The following SATL1 variants were observed in gnomAD, a reference collection of about 807,000 sequenced individuals.
SATL1 encodes spermidine/spermine N1-acetyl transferase like 1.
In SATL1, 47 loss-of-function variants were observed where a neutral mutation model predicts 51.8. The observed-to-expected ratio is 0.91, with a 90% CI of 0.72 to 1.16. The LOEUF is 1.16. SATL1 is among the 50% of genes most tolerant of loss of function. SATL1 has a pLI of 0.00. For synonymous variants in SATL1, 176 were observed against 182.4 expected (o/e 0.97, Z 0.28); for missense variants, 520 against 526.4 (o/e 0.99, Z 0.12).
At position 85,107,480 on chromosome X, in the gene SATL1, T is replaced by G. The variant is rs1442115170; in HGVS notation, c.1489A>C (p.Asn497His). The change falls in exon 3 of 8, where the codon AAC becomes CAC. Residue 497 changes from asparagine (N) to histidine (H), a missense_variant. By Grantham distance (68) the Asn-to-His change is moderately conservative. This residue lies in a region of SATL1 where 488 missense variants were observed against 474.3 expected (regional missense o/e 1.03). Transcript: ENST00000644105. ...CCTGGTTGGCTCAGCACTAATTGGT[T>G]CAGGTCTTGTTGGCTCAGGCCTGGC... is the stretch of plus-strand genomic sequence containing the variant. ...SQPGLSQQDL[N>H]QLVLSQPGLS... The G allele has an allele frequency of 8.2e-7, 1 of 1,212,288 alleles. No individual in the cohort carries two copies. Among genetic ancestry groups the G allele is most frequent in the Non-Finnish European group, 1.1e-6 (1 of 895,609 alleles).
chrX:85,188,595 G>C (rs1261463322), intron 2 of SATL1, among the ~76,000 whole-genome samples: 1 of 110,882 alleles, frequency 9.0e-6, no homozygotes, highest in Non-Finnish European at 1.9e-5. Context: ...ATAGTGAGCT[G>C]TGATTGCACC....
chrX:85,095,941 C>T (rs1924708728), intron 4 of SATL1, among the ~76,000 whole-genome samples: 1 of 105,983 alleles, frequency 9.4e-6, no homozygotes. Context: ...TTAAAACAAA[C>T]TCCCATCAAA....
chrX:85,112,702 G>A (rs1478863277), intron 2 of SATL1, among the ~76,000 whole-genome samples: 1 of 111,710 alleles, frequency 9.0e-6, no homozygotes, highest in Admixed American at 9.5e-5. Context: ...GCGCATGCTT[G>A]AGTCCACTCA....
intron 2 of SATL1, among the ~76,000 whole-genome samples, chrX:85,136,559 G>A (rs1925960312): frequency 8.9e-6 from 1 of 112,025 alleles, no homozygotes; most frequent in Non-Finnish European, 1.9e-5. Context: ...AGTGTCAAAG[G>A]CTGCAAATGT....
chrX:85,206,261 G>A (rs1022477486), intron 2 of SATL1, among the ~76,000 whole-genome samples: 94 of 111,260 alleles, frequency 8.4e-4, no homozygotes, highest in Non-Finnish European at 1.6e-3. Flanking sequence ...ATGGACTTAC[G>A]GCCAGAGTAT....
chrX:85,229,582 C>G (rs1044369995), intron 1 of SATL1, among the ~76,000 whole-genome samples: 1 of 109,343 alleles, frequency 9.1e-6, no homozygotes, highest in African/African-American at 3.3e-5. Flanking sequence ...TCAATAGAAG[C>G]AGGAAAAGCA....
intron 1 of SATL1, among the ~76,000 whole-genome samples, chrX:85,225,283 T>C (rs370155529): frequency 2.5e-4 from 28 of 111,769 alleles, no homozygotes; most frequent in African/African-American, 7.8e-4. Flanking sequence ...ACTAGGGAAA[T>C]TGGAATAACA....
chrX:85,123,698 A>T (rs1438792586), intron 2 of SATL1, among the ~76,000 whole-genome samples: 2 of 111,424 alleles, frequency 1.8e-5, no homozygotes, highest in Non-Finnish European at 3.8e-5. Context: ...GGACCACATG[A>T]ACTCTGCATG....
intron 2 of SATL1, among the ~76,000 whole-genome samples, chrX:85,199,911 C>T (rs1439035912): frequency 9.0e-6 from 1 of 111,277 alleles, no homozygotes; most frequent in Non-Finnish European, 1.9e-5. Flanking sequence ...CTACAGTCAA[C>T]AATAATTTAT....
chrX:85,182,493 G>A (rs1927225641), intron 2 of SATL1, among the ~76,000 whole-genome samples: 2 of 111,618 alleles, frequency 1.8e-5, no homozygotes, highest in Admixed American at 9.5e-5. Flanking sequence ...TTCATCTGTT[G>A]TTTGACACCT....
At chrX:85,166,921 A>ATG (rs1477562231) in intron 2 of SATL1, among the ~76,000 whole-genome samples, 1 of 90,149 alleles carries the variant, frequency 1.1e-5, no homozygotes, top group Non-Finnish European at 2.1e-5. Flanking sequence ...TGGGGTATAT[A>ATG]TATATATATA....
intron 3 of SATL1, 58 bp from the exon 4 acceptor site, chrX:85,103,973 A>G: frequency 1.2e-6 from 1 of 868,973 alleles, no homozygotes; most frequent in Non-Finnish European, 1.7e-6. Flanking sequence ...TTAAGATGAT[A>G]ATCATCATAA....
At chrX:85,131,688 A>T (rs1421121023) in intron 2 of SATL1, among the ~76,000 whole-genome samples, 2 of 111,545 alleles carry the variant, frequency 1.8e-5, no homozygotes, top group East Asian at 2.8e-4. Context: ...TGATCCTGTC[A>T]TTATGATGTC....
At chrX:85,157,538 AC>A (rs1320640787) in intron 2 of SATL1, among the ~76,000 whole-genome samples, 5 of 111,114 alleles carry the variant, frequency 4.5e-5, no homozygotes, top group Admixed American at 1.9e-4. Context: ...CTAAGGATTC[AC>A]TTTTTCTTAG....
At chrX:85,243,207 T>C (rs750513160) in intron 1 of SATL1, among the ~76,000 whole-genome samples, 141 of 112,841 alleles carry the variant, frequency 1.2e-3, no homozygotes, top group African/African-American at 4.3e-3. Flanking sequence ...ATCCTATCCT[T>C]TCCCTGCTTA....
intron 2 of SATL1, among the ~76,000 whole-genome samples, chrX:85,109,800 G>A (rs1212375763): frequency 1.8e-5 from 2 of 111,039 alleles, no homozygotes; most frequent in African/African-American, 3.3e-5. Context: ...CCTGGGGTCA[G>A]GAGTTCGAGA....
chrX:85,163,178 TTTGTTGTTGTTGTTG>T (rs199669352), intron 2 of SATL1, among the ~76,000 whole-genome samples: 3 of 106,950 alleles, frequency 2.8e-5, no homozygotes, highest in Non-Finnish European at 3.8e-5. Context: ...TCCTGGAGTT[TTTGTTGTTGTTGTTG>T]TTGTTGTTGT....
chrX:85,137,252 A>T (rs1925982989), intron 2 of SATL1, among the ~76,000 whole-genome samples: 1 of 111,501 alleles, frequency 9.0e-6, no homozygotes, highest in Admixed American at 9.5e-5. Flanking sequence ...TTACATCATA[A>T]CCCCAATTTT....
intron 1 of SATL1, among the ~76,000 whole-genome samples, chrX:85,231,219 C>T (rs766247409): frequency 7.1e-5 from 8 of 112,051 alleles, no homozygotes; most frequent in Non-Finnish European, 1.3e-4. Context: ...GAATACTATT[C>T]AACCTTGAAT....
Sources: allele counts gnomAD v4.1 joint callset (sites outside exome capture counted in the v4.1 genomes callset), GRCh38; gene constraint gnomAD v4.1.1; regional missense constraint gnomAD v4.1.1; transcripts MANE v1.5; gene names NCBI Gene and HGNC (gene_info 2026-07-23, HGNC 2026-07-21).